Variants in KCNJ13 observed in about 807,000 individuals in gnomAD.
KCNJ13 encodes potassium inwardly rectifying channel subfamily J member 13.
In KCNJ13, 9 loss-of-function variants were observed where a neutral mutation model predicts 24.6. The observed-to-expected ratio is 0.37, with a 90% confidence interval of 0.22 to 0.64. KCNJ13 has a LOEUF of 0.64. Among genes scored for constraint, KCNJ13 ranks in the 30% least tolerant of loss-of-function variants. The pLI, the probability that KCNJ13 is intolerant of heterozygous loss-of-function variation, is 0.64. For synonymous variants in KCNJ13, 148 were observed against 154.7 expected, an observed-to-expected ratio of 0.96 and a Z score of 0.32; for missense variants, 337 against 443.8, an observed-to-expected ratio of 0.76 and a Z score of 2.16.
chr2:232,775,350 G>C (rs1339598362), intron 1 of KCNJ13, among the ~76,000 whole-genome samples: 2 of 152,154 alleles, frequency 1.3e-5, no homozygotes, highest in Non-Finnish European at 2.9e-5. Flanking sequence ...AGTGAAAAAA[G>C]AGGGAATTAT....
chr2:232,773,587 C>G (rs1340250738), intron 1 of KCNJ13, among the ~76,000 whole-genome samples: 2 of 151,934 alleles, frequency 1.3e-5, no homozygotes, highest in African/African-American at 4.8e-5. Context: ...TAGTAGATGC[C>G]TTTCTTGCCC....
In KCNJ13 at chr2:232,771,235, T is replaced by C. The variant is rs1699233027; in HGVS notation, c.128A>G (p.Asp43Gly). ...GAQRGLAYLRDAWGILMDMRW... is the reference protein window; with the variant it reads ...GAQRGLAYLRGAWGILMDMRW... ...CATGTCCATTAGGATTCCCCAAGCATCTCGAAGATATGCAAGACCTCTTTG... is the reference window on the plus strand; with the variant it reads ...CATGTCCATTAGGATTCCCCAAGCACCTCGAAGATATGCAAGACCTCTTTG... Residue 43 changes from aspartate (D) to glycine (G), a missense_variant, in exon 2 of 3, where the codon GAT becomes GGT. Physicochemically the swap from Asp to Gly is moderately conservative, Grantham distance 94. Around this residue, in one of 3 missense-constraint regions of KCNJ13, gnomAD observed 101 missense variants for 139.2 expected, o/e 0.73. Coordinates refer to ENST00000233826, the MANE Select transcript of KCNJ13 (RefSeq NM_002242.4). 1.2e-6 allele frequency: 2 copies of C among 1,610,418 alleles called. No individual in the cohort carries two copies. The highest frequency in any genetic ancestry group is 2.2e-5 in the South Asian group (2 of 90,946).
intron 1 of KCNJ13, among the ~76,000 whole-genome samples, chr2:232,773,910 TAAAAAAA>T (rs61323973): frequency 1.1e-4 from 12 of 112,794 alleles, no homozygotes; most frequent in East Asian, 5.2e-4. Context: ...TGTCTCTATT[TAAAAAAA>T]AAAAAAAAAA....
At chr2:232,773,541 C>T (rs1699366872) in intron 1 of KCNJ13, among the ~76,000 whole-genome samples, 1 of 152,028 alleles carries the variant, frequency 6.6e-6, no homozygotes, top group African/African-American at 2.4e-5. Flanking sequence ...ATTGCATTCT[C>T]AAGAAGGTCT....
Position 232,768,480 on chromosome 2 carries a change from A to G in KCNJ13, c.794T>C (p.Phe265Ser), listed in dbSNP as rs1407691972. The G allele has an allele frequency of 1.2e-6, 2 of 1,614,088 alleles. No homozygotes were observed. Among genetic ancestry groups the G allele is most frequent in the African/African-American group, 2.7e-5 (2 of 74,942 alleles). Reference sequence around the variant, plus strand: ...TGCTGAAAGGAATACAACTAATTCAAAGTGAGAAGGATTTTCATGCTGGAG... The same window carrying G: ...TGCTGAAAGGAATACAACTAATTCAGAGTGAGAAGGATTTTCATGCTGGAG... ...TLLQHENPSH[F>S]ELVVFLSAMQ... Residue 265 changes from phenylalanine (F) to serine (S), a missense_variant, in exon 3 of 3, where the codon TTT (phenylalanine) becomes TCT (serine). Transcript: ENST00000233826.
At position 232,767,866 on chromosome 2, in the gene KCNJ13, C is replaced by A; in HGVS notation, c.*325G>T. ...ATTAATGGTTGATTTTCTTAGAGTTCAGTTGTGTTAAACTTCACTGTCCAT... is the reference window on the plus strand; with the variant it reads ...ATTAATGGTTGATTTTCTTAGAGTTAAGTTGTGTTAAACTTCACTGTCCAT... On this transcript the variant is annotated 3_prime_UTR_variant, in exon 3 of 3. Transcript: ENST00000233826. The A allele has an allele frequency of 3.3e-6, 1 of 305,966 alleles. No individual in the cohort carries two copies. The highest frequency in any genetic ancestry group is 4.8e-5 in the Admixed American group (1 of 20,812). The allele number at this position is 305,966 out of a possible 1,614,324, so 19.0% of individuals were successfully genotyped here. A position where few individuals can be genotyped will look rare whatever the true frequency, so the allele number is the denominator to read the frequency against.
At chr2:232,771,488 A>C in intron 1 of KCNJ13, 110 bp from the exon 2 acceptor site, 1 of 635,250 alleles carries the variant, frequency 1.6e-6, no homozygotes. Context: ...TCTAACCACA[A>C]CTTTGCCAAC....
Position 232,767,100 on chromosome 2 carries a change from G to C in KCNJ13, c.*1091C>G, listed in dbSNP as rs1698999826. ...TAATTTTTATAGACTATTAGATTTA[G>C]AAAGAAATAATAGAGTTCATCTAGT... On this transcript the variant is annotated 3_prime_UTR_variant, in exon 3 of 3. Coordinates refer to ENST00000233826, the MANE Select transcript of KCNJ13 (RefSeq NM_002242.4). 2.0e-5 allele frequency: 3 copies of C among 152,110 alleles called. No individual in the cohort carries two copies. In the South Asian group the frequency reaches 6.2e-4, roughly 31 times the overall value. The allele number at this position is 152,110 out of a possible 1,614,324, so 9.4% of individuals were successfully genotyped here.
chr2:232,774,712 C>CTA (rs1321257942), intron 1 of KCNJ13, among the ~76,000 whole-genome samples: 2 of 152,186 alleles, frequency 1.3e-5, no homozygotes, highest in African/African-American at 4.8e-5. Flanking sequence ...CTCCTGGACA[C>CTA]TAGTGCTTGT....
intron 1 of KCNJ13, 114 bp downstream of exon 1, chr2:232,776,331 G>T: frequency 2.7e-6 from 2 of 738,534 alleles, no homozygotes; most frequent in Non-Finnish European, 4.7e-6. Context: ...TATAGATAAT[G>T]TCTTTGTTTT....
chr2:232,774,071 C>G (rs572516972), intron 1 of KCNJ13, among the ~76,000 whole-genome samples: 1 of 150,650 alleles, frequency 6.6e-6, no homozygotes, highest in South Asian at 2.1e-4. Flanking sequence ...TGCTTGAGGT[C>G]GGGAATTCAA....
intron 1 of KCNJ13, among the ~76,000 whole-genome samples, chr2:232,772,170 T>C (rs1163740812): frequency 2.0e-5 from 3 of 152,194 alleles, no homozygotes; most frequent in African/African-American, 7.2e-5. Context: ...CACTTCAGCC[T>C]TCCAAAGCGC....
At chr2:232,773,092 T>A (rs574993054) in intron 1 of KCNJ13, among the ~76,000 whole-genome samples, 1 of 152,324 alleles carries the variant, frequency 6.6e-6, no homozygotes, top group East Asian at 1.9e-4. Flanking sequence ...TCATATGATA[T>A]AGACTTTAAA....
chr2:232,765,834 G>A lies in KCNJ13; in HGVS notation c.*2357C>T. The A allele has an allele frequency of 4.5e-6, 2 of 448,056 alleles. No individual in the cohort carries two copies. The highest frequency in any genetic ancestry group is 1.6e-5 in the South Asian group (1 of 61,002). The allele number at this position is 448,056 out of a possible 1,614,324, so 27.8% of individuals were successfully genotyped here. A position where few individuals can be genotyped will look rare whatever the true frequency, so the allele number is the denominator to read the frequency against. ...TACATATGTAAAACTAGGCCCCTGA[G>A]ATTTTTAGGTAACGACATGCCTCCA... On this transcript the variant is annotated 3_prime_UTR_variant, in exon 3 of 3. Transcript: ENST00000233826.
chr2:232,776,379 T>TGG lies in KCNJ13; in HGVS notation c.-17+65_-17+66insCC, dbSNP rs745626181. On this transcript the variant is annotated intron_variant, in intron 1 of 2. Coordinates refer to ENST00000233826, the MANE Select transcript of KCNJ13 (RefSeq NM_002242.4). ...GAAGTAATCTAGCTCTGTTGCTATT[T>TGG]GCCAGTCAGTTTCTTTCCCTGTTTC... 8.1e-6 allele frequency: 10 copies of TGG among 1,233,216 alleles called. No homozygotes were observed. The East Asian group carries it at 2.4e-4, about 29-fold the overall frequency. 76.4% of individuals were successfully genotyped at this position (1,233,216 alleles called of 1,614,324 possible).
intron 2 of KCNJ13, among the ~76,000 whole-genome samples, chr2:232,769,281 G>A (rs1003341328): frequency 2.6e-5 from 4 of 152,048 alleles, no homozygotes; most frequent in African/African-American, 7.2e-5. Flanking sequence ...CTGTAATCCC[G>A]GCACTTTGGG....
In KCNJ13 at chr2:232,765,869, A is replaced by G; in HGVS notation, c.*2322T>C. On this transcript the variant is annotated 3_prime_UTR_variant, in exon 3 of 3. Coordinates refer to ENST00000233826, the MANE Select transcript of KCNJ13 (RefSeq NM_002242.4). The stretch of plus-strand genomic sequence containing the variant: ...TAACGACATGCCTCCAGTTTGTTGA[A>G]ACTGTCATGCTATCTTTATCAGTTT... 2.2e-6 allele frequency: 1 copy of G among 464,252 alleles called. No homozygotes were observed. Among genetic ancestry groups the G allele is most frequent in the South Asian group, 1.6e-5 (1 of 63,382 alleles). 28.8% of individuals were successfully genotyped at this position (464,252 alleles called of 1,614,324 possible).
intron 2 of KCNJ13, among the ~76,000 whole-genome samples, chr2:232,769,239 GTGA>G (rs1699115818): frequency 6.6e-6 from 1 of 152,092 alleles, no homozygotes; most frequent in Non-Finnish European, 1.5e-5. Flanking sequence ...AATAGAATGA[GTGA>G]TATTTTGGCC....
chr2:232,771,020 C>G lies in KCNJ13; in HGVS notation c.343G>C (p.Glu115Gln). ...CCATAACCAATTGTGAGTTGTGTCTCCAGGGAGAAGGAGAATGCAGCTGTG... is the reference window on the plus strand; with the variant it reads ...CCATAACCAATTGTGAGTTGTGTCTGCAGGGAGAAGGAGAATGCAGCTGTG... ...SFTAAFSFSL[E>Q]TQLTIGYGTM... Residue 115 changes from glutamate to glutamine, a missense_variant, in exon 2 of 3, where the codon GAG (glutamate) becomes CAG (glutamine). Glu to Gln is a conservative substitution (Grantham distance 29). Transcript: ENST00000233826. The G allele has an allele frequency of 6.2e-7, 1 of 1,613,970 alleles. No homozygotes were observed.
Sources: gnomAD v4.1 joint callset for allele counts (sites outside exome capture counted in the v4.1 genomes callset) on GRCh38, gnomAD v4.1.1 for gene constraint, gnomAD v4.1.1 regional missense constraint, MANE v1.5 for transcripts, NCBI Gene and HGNC (gene_info 2026-07-23, HGNC 2026-07-21) for gene names.